The following CSGALNACT1 variants were observed in gnomAD, a reference collection of about 807,000 sequenced individuals.
CSGALNACT1 encodes beta4GalNAcT-1.
A neutral mutation model predicts 51.0 loss-of-function variants in CSGALNACT1; 52 were observed. The ratio of observed to expected loss-of-function variants is 1.02; its 90% CI spans 0.82 to 1.29. The LOEUF is 1.29. Ranked by LOEUF, CSGALNACT1 falls within the 50% of genes most tolerant of loss-of-function variation. The pLI, the probability that CSGALNACT1 is intolerant of heterozygous loss-of-function variation, is 0.00. For synonymous variants in CSGALNACT1, 341 were observed against 254.4 expected, an observed-to-expected ratio of 1.34 and a Z score of -3.24; for missense variants, 935 against 679.2, an observed-to-expected ratio of 1.38 and a Z score of -4.19.
chr8:19,725,314 G>A (rs7832946), intron 1 of CSGALNACT1, among the ~76,000 whole-genome samples: 23,709 of 152,238 alleles, frequency 0.16, 2,028 homozygotes, highest in Middle Eastern at 0.29. Context: ...CCCAAGGCAA[G>A]GGGGCACCCA....
intron 4 of CSGALNACT1, among the ~76,000 whole-genome samples, chr8:19,473,243 G>A (rs1319652146): frequency 6.6e-6 from 1 of 152,194 alleles, no homozygotes; most frequent in Non-Finnish European, 1.5e-5. Context: ...TAGCAAGATT[G>A]CTAGAGGATT....
At chr8:19,578,432 T>C (rs1410951104) in intron 3 of CSGALNACT1, among the ~76,000 whole-genome samples, 1 of 152,208 alleles carries the variant, frequency 6.6e-6, no homozygotes, top group Non-Finnish European at 1.5e-5. Flanking sequence ...TATTTTCCTA[T>C]AGCCTCTCTT....
At chr8:19,539,483 C>A (rs757729704) in intron 3 of CSGALNACT1, among the ~76,000 whole-genome samples, 61 of 152,278 alleles carry the variant, frequency 4.0e-4, no homozygotes, top group Middle Eastern at 3.4e-3. Context: ...ATAGAAAGCA[C>A]TGAATAAGTA....
intron 8 of CSGALNACT1, among the ~76,000 whole-genome samples, chr8:19,416,829 A>G (rs1213700657): frequency 6.6e-6 from 1 of 151,780 alleles, no homozygotes; most frequent in Admixed American, 6.6e-5. Flanking sequence ...ACATCTCTCT[A>G]TTGTTAAGTA....
chr8:19,539,617 A>G (rs2084609965), intron 3 of CSGALNACT1, among the ~76,000 whole-genome samples: 1 of 152,202 alleles, frequency 6.6e-6, no homozygotes, highest in South Asian at 2.1e-4. Context: ...ATAAATGTAT[A>G]CTTTCCAGAT....
intron 5 of CSGALNACT1, among the ~76,000 whole-genome samples, chr8:19,443,246 G>C (rs375777691): frequency 2.0e-4 from 31 of 152,188 alleles, no homozygotes; most frequent in African/African-American, 7.2e-4. Context: ...GTATGTAAAC[G>C]CAGGTGTGTA....
At chr8:19,564,017 C>G (rs1424459311) in intron 3 of CSGALNACT1, among the ~76,000 whole-genome samples, 1 of 152,132 alleles carries the variant, frequency 6.6e-6, no homozygotes, top group Admixed American at 6.6e-5. Context: ...TCAGATAATC[C>G]TTCAGATTTC....
At chr8:19,481,613 T>A (rs886218212) in intron 4 of CSGALNACT1, among the ~76,000 whole-genome samples, 1 of 152,150 alleles carries the variant, frequency 6.6e-6, no homozygotes, top group Non-Finnish European at 1.5e-5. Context: ...AGTCCCAAAC[T>A]GGAGATAAGC....
At chr8:19,557,359 C>A (rs2039696311) in intron 3 of CSGALNACT1, among the ~76,000 whole-genome samples, 1 of 152,170 alleles carries the variant, frequency 6.6e-6, no homozygotes, top group African/African-American at 2.4e-5. Context: ...GCAGAGGGAT[C>A]CTTGCAAAAC....
At chr8:19,513,330 C>T (rs1429660073) in intron 3 of CSGALNACT1, among the ~76,000 whole-genome samples, 8 of 151,094 alleles carry the variant, frequency 5.3e-5, no homozygotes, top group Middle Eastern at 3.2e-3. Flanking sequence ...GGAAGACACA[C>T]GAAAGCCACT....
intron 1 of CSGALNACT1, among the ~76,000 whole-genome samples, chr8:19,753,660 TCTAA>T (rs1432320432): frequency 3.9e-5 from 6 of 152,072 alleles, no homozygotes; most frequent in Non-Finnish European, 7.4e-5. Flanking sequence ...CACACCTGGG[TCTAA>T]CTGTTTCTAA....
chr8:19,701,091 C>T (rs2061840158), intron 1 of CSGALNACT1, among the ~76,000 whole-genome samples: 1 of 149,234 alleles, frequency 6.7e-6, no homozygotes, highest in East Asian at 2.0e-4. Flanking sequence ...GCTGGAGCTG[C>T]AGCAATCATC....
At chr8:19,734,235 T>C (rs2063843826) in intron 1 of CSGALNACT1, among the ~76,000 whole-genome samples, 1 of 152,226 alleles carries the variant, frequency 6.6e-6, no homozygotes, top group Non-Finnish European at 1.5e-5. Flanking sequence ...TTAAACTGGA[T>C]GAAGTTGGCC....
At chr8:19,590,325 A>G (rs1340780488) in intron 3 of CSGALNACT1, among the ~76,000 whole-genome samples, 2 of 152,364 alleles carry the variant, frequency 1.3e-5, no homozygotes, top group Admixed American at 1.3e-4. Context: ...AGAACGTAGT[A>G]ATAGTAGACA....
At chr8:19,445,669 G>C (rs1415017495) in intron 5 of CSGALNACT1, among the ~76,000 whole-genome samples, 2 of 152,198 alleles carry the variant, frequency 1.3e-5, no homozygotes, top group African/African-American at 2.4e-5. Flanking sequence ...TCCATGTACT[G>C]TGCAAAACTG....
At chr8:19,445,547 T>G (rs2153781472) in intron 5 of CSGALNACT1, among the ~76,000 whole-genome samples, 1 of 152,338 alleles carries the variant, frequency 6.6e-6, no homozygotes, top group Non-Finnish European at 1.5e-5. Context: ...CATTCATTCG[T>G]GTACTCTTCT....
chr8:19,654,825 C>A (rs559322621), intron 1 of CSGALNACT1, among the ~76,000 whole-genome samples: 1 of 152,092 alleles, frequency 6.6e-6, no homozygotes, highest in African/African-American at 2.4e-5. Context: ...GGATTACAGG[C>A]ATGAGCCACT....
At chr8:19,756,311 T>C (rs866900093) in intron 1 of CSGALNACT1, among the ~76,000 whole-genome samples, 13 of 152,198 alleles carry the variant, frequency 8.5e-5, no homozygotes, top group African/African-American at 2.7e-4. Context: ...GCACCAAGGC[T>C]TTGAAACCAG....
chr8:19,457,623 A>T (rs1245110794), intron 5 of CSGALNACT1: 6 of 1,253,086 alleles, frequency 4.8e-6, no homozygotes, highest in Non-Finnish European at 6.3e-6. Context: ...AAAAAAAAAG[A>T]AATAAAAAAT....
Sources: allele counts gnomAD v4.1 joint callset (sites outside exome capture counted in the v4.1 genomes callset), GRCh38; gene constraint gnomAD v4.1.1; transcripts MANE v1.5; gene names NCBI Gene and HGNC (gene_info 2026-07-23, HGNC 2026-07-21).